The following RGL1 variants were observed in gnomAD, a reference collection of about 807,000 sequenced individuals.
RGL1 encodes the protein ral guanine nucleotide dissociation stimulator-like 1.
In RGL1, 24 loss-of-function variants were observed where a neutral mutation model predicts 95.2. That is an observed-to-expected ratio of 0.25 (90% CI 0.18 to 0.35). The LOEUF (loss-of-function observed/expected upper bound fraction) is 0.35. RGL1 is among the 10% of genes least tolerant of loss of function. The probability of loss-of-function intolerance (pLI) is 1.00; values close to 1 mark genes in which losing one functional copy is unlikely to be tolerated. For missense variants in RGL1, 715 were observed against 936.3 expected, an observed-to-expected ratio of 0.76 and a Z score of 3.08; for synonymous variants, 329 against 344.9, an observed-to-expected ratio of 0.95 and a Z score of 0.51.
chr1:183,872,907 T>A (rs1340183191), intron 4 of RGL1, among the ~76,000 whole-genome samples: 1 of 152,194 alleles, frequency 6.6e-6, no homozygotes, highest in African/African-American at 2.4e-5. Flanking sequence ...AATTAAAAGT[T>A]ATAATGTGAA....
At chr1:183,845,627 A>T (rs1260895972) in intron 2 of RGL1, among the ~76,000 whole-genome samples, 1 of 152,180 alleles carries the variant, frequency 6.6e-6, no homozygotes, top group African/African-American at 2.4e-5. Context: ...CCCAGAGCTT[A>T]ACCCAGTGGT....
At chr1:183,876,656 C>T (rs972944939) in intron 4 of RGL1, among the ~76,000 whole-genome samples, 2 of 152,230 alleles carry the variant, frequency 1.3e-5, no homozygotes, top group African/African-American at 4.8e-5. Flanking sequence ...GTTAATACTA[C>T]AGTTTGATGT....
intron 2 of RGL1, among the ~76,000 whole-genome samples, chr1:183,809,212 G>A (rs747228010): frequency 9.9e-5 from 15 of 152,260 alleles, no homozygotes; most frequent in Middle Eastern, 3.4e-3. Context: ...CTAAAAGATG[G>A]AACATAATTT....
chr1:183,834,784 G>A (rs1004713723), intron 2 of RGL1, among the ~76,000 whole-genome samples: 20 of 152,120 alleles, frequency 1.3e-4, no homozygotes, highest in African/African-American at 3.9e-4. Context: ...GTACTCGTCC[G>A]TTCAAGAGAT....
rs114768967 is a variant in RGL1, at chr1:183,782,536, C to T, written c.133-23839C>T. On this transcript the variant is annotated intron_variant, in intron 2 of 18. Transcript: ENST00000304685. Reference sequence around the variant, plus strand: ...TTGCAACTATTGTGTCTTCATAACTCATGGCCTGGGATTTGGCACTACATA... The same window carrying T: ...TTGCAACTATTGTGTCTTCATAACTTATGGCCTGGGATTTGGCACTACATA... Among the ~76,000 whole-genome samples, 366 of 152,276 alleles carry T rather than the reference C, an allele frequency of 2.4e-3. 2 individuals are homozygous for T. Among genetic ancestry groups the T allele is most frequent in the African/African-American group, 8.4e-3 (351 of 41,554 alleles).
intron 7 of RGL1, among the ~76,000 whole-genome samples, chr1:183,887,588 G>T (rs1337788743): frequency 6.6e-6 from 1 of 152,060 alleles, no homozygotes; most frequent in Non-Finnish European, 1.5e-5. Context: ...ATAAGGCCTG[G>T]TCCAGTCTCC....
chr1:183,636,806 G>A (rs572231755), intron 1 of RGL1, among the ~76,000 whole-genome samples: 13 of 152,180 alleles, frequency 8.5e-5, no homozygotes, highest in Middle Eastern at 3.2e-3. Context: ...CTGGAATGTA[G>A]GAGATAAAGG....
chr1:183,647,663 G>A, intron 1 of RGL1: 1 of 1,579,306 alleles, frequency 6.3e-7, no homozygotes, highest in South Asian at 1.2e-5. Flanking sequence ...GTTTCATGCT[G>A]TAGGAATGTA....
intron 2 of RGL1, among the ~76,000 whole-genome samples, chr1:183,796,615 A>G (rs1304929521): frequency 6.6e-6 from 1 of 152,216 alleles, no homozygotes; most frequent in Non-Finnish European, 1.5e-5. Context: ...CTCTAACTGC[A>G]GAGCCTTCAC....
At chr1:183,861,851 C>T (rs907758969) in intron 3 of RGL1, among the ~76,000 whole-genome samples, 3 of 152,132 alleles carry the variant, frequency 2.0e-5, no homozygotes, top group African/African-American at 7.2e-5. Context: ...ATTTACTACC[C>T]TGGAATAAGT....
intron 2 of RGL1, among the ~76,000 whole-genome samples, chr1:183,788,576 G>A (rs1334912032): frequency 6.6e-6 from 1 of 152,130 alleles, no homozygotes; most frequent in African/African-American, 2.4e-5. Flanking sequence ...TTAGATCCAG[G>A]AGCAGTATGT....
chr1:183,795,498 A>C (rs1439364234), intron 2 of RGL1, among the ~76,000 whole-genome samples: 2 of 152,234 alleles, frequency 1.3e-5, no homozygotes, highest in Non-Finnish European at 1.5e-5. Context: ...CCACATGAGC[A>C]AAGGCTGTGT....
chr1:183,755,526 AAAG>A (rs1658273046), intron 2 of RGL1, among the ~76,000 whole-genome samples: 1 of 152,280 alleles, frequency 6.6e-6, no homozygotes, highest in Admixed American at 6.5e-5. Flanking sequence ...TTTTAAAAAA[AAAG>A]AGCAAGGAAG....
At chr1:183,755,083 C>T (rs758537236) in intron 2 of RGL1, 37 of 152,110 alleles carry the variant, frequency 2.4e-4, no homozygotes, top group Non-Finnish European at 2.4e-4. Flanking sequence ...CTGAGTCCTA[C>T]ACACTCCTGT....
intron 3 of RGL1, among the ~76,000 whole-genome samples, chr1:183,864,247 T>C (rs768638555): frequency 3.3e-5 from 5 of 152,188 alleles, no homozygotes; most frequent in Non-Finnish European, 2.9e-5. Context: ...TAGCTTCCAG[T>C]TGAAAGATAA....
chr1:183,677,754 C>T (rs1448498641), intron 1 of RGL1, among the ~76,000 whole-genome samples: 1 of 152,142 alleles, frequency 6.6e-6, no homozygotes, highest in Admixed American at 6.5e-5. Context: ...CATGTATATT[C>T]CCTGGTCAAT....
At chr1:183,652,338 C>T (rs976132724) in intron 1 of RGL1, among the ~76,000 whole-genome samples, 4 of 152,180 alleles carry the variant, frequency 2.6e-5, no homozygotes, top group Admixed American at 2.6e-4. Flanking sequence ...AGGACTGTGG[C>T]TTTAACACAT....
chr1:183,661,560 T>G (rs1257399569), intron 1 of RGL1, among the ~76,000 whole-genome samples: 1 of 152,066 alleles, frequency 6.6e-6, no homozygotes, highest in Non-Finnish European at 1.5e-5. Context: ...ATTGTGGCAA[T>G]AATCAATAGC....
intron 1 of RGL1, among the ~76,000 whole-genome samples, chr1:183,640,724 T>C (rs1649868464): frequency 6.6e-6 from 1 of 152,210 alleles, no homozygotes; most frequent in South Asian, 2.1e-4. Flanking sequence ...TATCACACTG[T>C]ATAATATTTG....
Sources: gnomAD v4.1 joint callset for allele counts (sites outside exome capture counted in the v4.1 genomes callset) on GRCh38, gnomAD v4.1.1 for gene constraint, MANE v1.5 for transcripts, NCBI Gene and HGNC (gene_info 2026-07-23, HGNC 2026-07-21) for gene names.